The following ANKRD44 variants were observed in gnomAD, a reference collection of about 807,000 sequenced individuals.
ANKRD44 encodes ankyrin repeat domain 44.
ANKRD44 carries 35 observed loss-of-function variants against 116.0 expected under a neutral mutation model. The observed-to-expected ratio is 0.30, with a 90% CI of 0.23 to 0.40. The LOEUF is 0.40. Among genes scored for constraint, ANKRD44 ranks in the 10% least tolerant of loss-of-function variants. The pLI, the probability that ANKRD44 is intolerant of heterozygous loss-of-function variation, is 1.00. For synonymous variants in ANKRD44, 435 were observed against 461.8 expected (o/e 0.94, Z 0.74); for missense variants, 1,014 against 1,242.6 (o/e 0.82, Z 2.77).
At chr2:197,060,329 C>G (rs1301660190) in intron 16 of ANKRD44, among the ~76,000 whole-genome samples, 2 of 152,164 alleles carry the variant, frequency 1.3e-5, no homozygotes, top group African/African-American at 4.8e-5. Context: ...GCCACTTGTA[C>G]CTATCATATG....
intron 4 of ANKRD44, among the ~76,000 whole-genome samples, chr2:197,133,248 G>A (rs1299513890): frequency 1.3e-5 from 2 of 152,180 alleles, no homozygotes; most frequent in Admixed American, 6.5e-5. Context: ...AGTCACCCAT[G>A]TCCATGATGT....
chr2:196,970,656 A>T (rs2075708880), intron 21 of ANKRD44, among the ~76,000 whole-genome samples: 1 of 152,168 alleles, frequency 6.6e-6, no homozygotes, highest in Admixed American at 6.5e-5. Context: ...AAAAACAACC[A>T]GCATAAATTC....
intron 1 of ANKRD44, among the ~76,000 whole-genome samples, chr2:197,227,342 C>T (rs2081741059): frequency 6.6e-6 from 1 of 152,208 alleles, no homozygotes; most frequent in African/African-American, 2.4e-5. Flanking sequence ...CCGAGGACTG[C>T]AGAATTAGAG....
intron 16 of ANKRD44, among the ~76,000 whole-genome samples, chr2:197,045,442 A>C (rs1300091920): frequency 6.9e-6 from 1 of 145,096 alleles, no homozygotes; most frequent in Non-Finnish European, 1.5e-5. Flanking sequence ...TTTTATTTCC[A>C]CCTGTGTTAT....
intron 2 of ANKRD44, among the ~76,000 whole-genome samples, chr2:197,162,448 G>A (rs1559115510): frequency 6.6e-6 from 1 of 152,168 alleles, no homozygotes; most frequent in Non-Finnish European, 1.5e-5. Flanking sequence ...AAGACTGCTG[G>A]CAGTGGTGCA....
chr2:197,086,467 C>T (rs1489428898), intron 13 of ANKRD44, among the ~76,000 whole-genome samples: 2 of 151,998 alleles, frequency 1.3e-5, no homozygotes, highest in East Asian at 1.9e-4. Context: ...ACAATTGGCA[C>T]ATCTAAACAG....
rs538459639 is a variant in ANKRD44, at chr2:197,102,388, C to T, written c.986-2458G>A. On this transcript the variant is annotated intron_variant, in intron 9 of 27. Transcript: ENST00000282272. Reference sequence around the variant, plus strand: ...TAATATGTGGTTTTGTCAGATTTTGCCAGATTTCTCTCTGTAGGCACGGTG... The same window carrying T: ...TAATATGTGGTTTTGTCAGATTTTGTCAGATTTCTCTCTGTAGGCACGGTG... Among the ~76,000 whole-genome samples the T allele has an allele frequency of 1.9e-3, 284 of 152,238 alleles. 2 individuals carry two copies. Among genetic ancestry groups the T allele is most frequent in the African/African-American group, 5.0e-3 (206 of 41,544 alleles).
Position 197,000,417 on chromosome 2 carries a change from ACCTG to A in ANKRD44, c.2517_2519+1del, listed in dbSNP as rs1374474256. ...AAAAGCATGCTGTTTTAGATTACTT[ACCTG>A]CCTTTGTCATCTCTACAACTGACGA... On this transcript the variant is annotated splice_donor_variant and coding_sequence_variant, in exon 23 of 28. Transcript: ENST00000282272. LOFTEE classifies it high-confidence loss of function. The A allele has an allele frequency of 1.2e-6, 2 of 1,613,130 alleles. No individual in the cohort carries two copies. Among genetic ancestry groups the A allele is most frequent in the Non-Finnish European group, 1.7e-6 (2 of 1,179,170 alleles).
chr2:197,032,501 G>A (rs533547893), intron 16 of ANKRD44, among the ~76,000 whole-genome samples: 8 of 150,776 alleles, frequency 5.3e-5, no homozygotes, highest in Admixed American at 1.3e-4. Context: ...TGATTCTCCT[G>A]CCTCAGCCTC....
intron 23 of ANKRD44, 73 bp from the exon 24 acceptor site, chr2:196,999,125 T>G (rs2076067469): frequency 1.9e-6 from 3 of 1,558,118 alleles, no homozygotes; most frequent in African/African-American, 1.4e-5. Context: ...CCAAGAAACA[T>G]GCACAAGGTG....
chr2:197,053,033 T>C (rs1186993548), intron 16 of ANKRD44, among the ~76,000 whole-genome samples: 1 of 152,004 alleles, frequency 6.6e-6, no homozygotes, highest in African/African-American at 2.4e-5. Context: ...TAGCCAGGCA[T>C]AGTGGTGCGT....
chr2:197,030,172 A>G (rs975022096), intron 16 of ANKRD44: 1 of 152,534 alleles, frequency 6.6e-6, no homozygotes, highest in Non-Finnish European at 1.5e-5. Context: ...TATCTGGCAA[A>G]AACGTCATTT....
intron 21 of ANKRD44, among the ~76,000 whole-genome samples, chr2:196,969,976 TC>T (rs2075704076): frequency 6.6e-6 from 1 of 152,218 alleles, no homozygotes; most frequent in African/African-American, 2.4e-5. Flanking sequence ...GAGATTTGAC[TC>T]AGTAATTTTA....
chr2:197,130,687 T>C (rs2125362919), intron 4 of ANKRD44, among the ~76,000 whole-genome samples: 1 of 152,358 alleles, frequency 6.6e-6, no homozygotes, highest in South Asian at 2.1e-4. Flanking sequence ...CAACTTTTTA[T>C]AATCACGAAG....
At chr2:197,213,022 G>A (rs1473619889) in intron 1 of ANKRD44, among the ~76,000 whole-genome samples, 1 of 152,198 alleles carries the variant, frequency 6.6e-6, no homozygotes, top group East Asian at 1.9e-4. Flanking sequence ...AAACAGCAAT[G>A]CGGCTCCAAC....
intron 16 of ANKRD44, among the ~76,000 whole-genome samples, chr2:197,051,574 TAA>T (rs2077108518): frequency 6.6e-6 from 1 of 152,206 alleles, no homozygotes; most frequent in Non-Finnish European, 1.5e-5. Context: ...GCTTATTTTT[TAA>T]TTTTTATTTT....
chr2:197,146,060 G>T (rs1418181584), intron 3 of ANKRD44, among the ~76,000 whole-genome samples: 4 of 152,110 alleles, frequency 2.6e-5, no homozygotes, highest in African/African-American at 9.7e-5. Context: ...TGTTTGGTGA[G>T]ATATACTGAG....
intron 17 of ANKRD44, chr2:197,016,034 A>G: frequency 3.8e-6 from 2 of 530,414 alleles, no homozygotes; most frequent in South Asian, 1.4e-5. Context: ...GAAAAGGGCT[A>G]GAGTTCTTAG....
chr2:197,056,978 C>A (rs2077215294), intron 16 of ANKRD44, among the ~76,000 whole-genome samples: 1 of 152,202 alleles, frequency 6.6e-6, no homozygotes, highest in Admixed American at 6.5e-5. Context: ...GCCATTCTGT[C>A]CACCACACTT....
Sources: allele counts gnomAD v4.1 joint callset (sites outside exome capture counted in the v4.1 genomes callset), GRCh38; gene constraint gnomAD v4.1.1; transcripts MANE v1.5; gene names NCBI Gene and HGNC (gene_info 2026-07-23, HGNC 2026-07-21).